RGS6: variants seen among roughly 807,000 people sequenced by gnomAD.
RGS6 encodes the protein regulator of G protein signaling 6.
Under a neutral mutation model 78.5 loss-of-function variants are expected in RGS6, and 30 were observed. That is an observed-to-expected ratio of 0.38 (90% CI 0.29 to 0.52). RGS6 has a LOEUF of 0.52. Among genes scored for constraint, RGS6 ranks in the 20% least tolerant of loss-of-function variants. The probability of loss-of-function intolerance (pLI) is 0.85; values close to 1 mark genes in which losing one functional copy is unlikely to be tolerated. For synonymous variants in RGS6, 206 were observed against 206.0 expected, an observed-to-expected ratio of 1.00 and a Z score of 0.00; for missense variants, 495 against 609.7, an observed-to-expected ratio of 0.81 and a Z score of 1.98.
At chr14:72,394,474 C>A (rs1421737396) in intron 3 of RGS6, among the ~76,000 whole-genome samples, 2 of 152,174 alleles carry the variant, frequency 1.3e-5, no homozygotes, top group African/African-American at 4.8e-5. Context: ...AAAAGACAGA[C>A]ATTCCTAGAG....
At chr14:72,028,908 A>T (rs1223371573) in intron 2 of RGS6, among the ~76,000 whole-genome samples, 1 of 152,242 alleles carries the variant, frequency 6.6e-6, no homozygotes, top group African/African-American at 2.4e-5. Flanking sequence ...CCTAATTGAA[A>T]TATGACATAA....
chr14:72,415,344 G>T (rs529565204), intron 3 of RGS6, among the ~76,000 whole-genome samples: 10 of 152,392 alleles, frequency 6.6e-5, no homozygotes, highest in African/African-American at 2.2e-4. Flanking sequence ...CAAGCCAGGT[G>T]CAGGATATAA....
At chr14:71,965,933 C>T (rs1329365321) in intron 2 of RGS6, among the ~76,000 whole-genome samples, 2 of 152,042 alleles carry the variant, frequency 1.3e-5, no homozygotes, top group East Asian at 1.9e-4. Flanking sequence ...TCAAAGATGA[C>T]GGGGTTTTTG....
At chr14:72,160,887 A>ACAACCACC (rs1303534089) in intron 2 of RGS6, among the ~76,000 whole-genome samples, 1 of 152,214 alleles carries the variant, frequency 6.6e-6, no homozygotes, top group Non-Finnish European at 1.5e-5. Context: ...CCAAACTAAT[A>ACAACCACC]CAACCACCTA....
intron 2 of RGS6, among the ~76,000 whole-genome samples, chr14:72,299,481 C>T (rs899381499): frequency 6.6e-6 from 1 of 152,196 alleles, no homozygotes; most frequent in Admixed American, 6.5e-5. Flanking sequence ...TTTTATTTCT[C>T]TTGGGAATAT....
At chr14:72,108,900 ATGT>A (rs1368217338) in intron 2 of RGS6, among the ~76,000 whole-genome samples, 11 of 151,820 alleles carry the variant, frequency 7.2e-5, no homozygotes, top group African/African-American at 9.7e-5. Context: ...ATCTGTGGAA[ATGT>A]TGTTTTATTC....
chr14:72,397,869 G>A (rs1229417780), intron 3 of RGS6, among the ~76,000 whole-genome samples: 1 of 152,144 alleles, frequency 6.6e-6, no homozygotes, highest in African/African-American at 2.4e-5. Context: ...ATTTTCGTAT[G>A]TTGAACCAGC....
At chr14:72,319,588 G>C (rs1042553459) in intron 2 of RGS6, among the ~76,000 whole-genome samples, 1 of 151,984 alleles carries the variant, frequency 6.6e-6, no homozygotes, top group South Asian at 2.1e-4. Flanking sequence ...TGATCTGCCT[G>C]CCTCAGCCTC....
At position 72,392,800 on chromosome 14, in the gene RGS6, C is replaced by A. The variant is rs554632456; in HGVS notation, c.184+40606C>A. ...GCCTTCCACACTTCTTCCTGCCAAT[C>A]CTCACCCTGGTCTCCAGGGTCAAGT... On this transcript the variant is annotated intron_variant, in intron 3 of 17. Transcript: ENST00000553525. Among the ~76,000 whole-genome samples, 17 of 152,286 alleles carry A rather than the reference C, an allele frequency of 1.1e-4. No individual in the cohort carries two copies. In the East Asian group the frequency reaches 3.3e-3, roughly 29 times the overall value.
chr14:72,032,112 G>C (rs1040490293), intron 2 of RGS6, among the ~76,000 whole-genome samples: 1 of 152,240 alleles, frequency 6.6e-6, no homozygotes, highest in Admixed American at 6.5e-5. Context: ...TTCATATAGA[G>C]ACCACACCTT....
intron 2 of RGS6, among the ~76,000 whole-genome samples, chr14:72,328,181 T>C (rs919904503): frequency 8.5e-5 from 13 of 152,176 alleles, no homozygotes; most frequent in African/African-American, 3.1e-4. Context: ...GGAAGATGCT[T>C]GCCCACACCA....
At chr14:72,530,016 T>G (rs1304903167) in intron 15 of RGS6, among the ~76,000 whole-genome samples, 1 of 152,262 alleles carries the variant, frequency 6.6e-6, no homozygotes, top group Non-Finnish European at 1.5e-5. Flanking sequence ...TGTTTAGACA[T>G]CTGCTTTATC....
chr14:71,994,141 GTTTGT>G (rs2095089637), intron 2 of RGS6, among the ~76,000 whole-genome samples: 1 of 152,128 alleles, frequency 6.6e-6, no homozygotes, highest in East Asian at 1.9e-4. Flanking sequence ...TCCAAACACA[GTTTGT>G]ACTTTCCTTT....
chr14:72,602,462 A>C, the RGS6 span, among the ~76,000 whole-genome samples: 1 of 152,232 alleles, frequency 6.6e-6, no homozygotes, highest in African/African-American at 2.4e-5. Flanking sequence ...CATGGAGGTT[A>C]TGTAGCATGG....
chr14:72,435,415 CTG>C (rs1252933496), intron 3 of RGS6, among the ~76,000 whole-genome samples: 1 of 152,194 alleles, frequency 6.6e-6, no homozygotes, highest in Non-Finnish European at 1.5e-5. Flanking sequence ...GAATTAAACA[CTG>C]TTTTACCAGC....
chr14:72,264,146 A>T (rs2058646945), intron 2 of RGS6, among the ~76,000 whole-genome samples: 1 of 152,200 alleles, frequency 6.6e-6, no homozygotes, highest in Non-Finnish European at 1.5e-5. Flanking sequence ...ATTACGAGAA[A>T]GGTTTGTTCT....
At chr14:72,013,837 C>G (rs1239159735) in intron 2 of RGS6, among the ~76,000 whole-genome samples, 1 of 152,114 alleles carries the variant, frequency 6.6e-6, no homozygotes, top group African/African-American at 2.4e-5. Context: ...ATTATAGATT[C>G]AGAAATAATG....
the RGS6 span, among the ~76,000 whole-genome samples, chr14:72,580,616 T>C: frequency 1.3e-5 from 2 of 152,158 alleles, no homozygotes; most frequent in Admixed American, 6.5e-5. Flanking sequence ...CCCAAGAATG[T>C]TTGAAGGTTA....
In RGS6 at chr14:72,250,536, A is replaced by G. The variant is rs149820700; in HGVS notation, c.85-101559A>G. ...CTGAGAAAGAAGGGGAAAATATTCA[A>G]TTGTCAAAATTAGCCTGTCTCATTT... On this transcript the variant is annotated intron_variant, in intron 2 of 17. Coordinates refer to ENST00000553525, the MANE Select transcript of RGS6 (RefSeq NM_001204424.2). Among the ~76,000 whole-genome samples, 539 of 152,278 alleles carry G rather than the reference A, an allele frequency of 3.5e-3. 3 individuals carry two copies. The highest frequency in any genetic ancestry group is 0.011 in the African/African-American group (474 of 41,552).
Sources: allele counts gnomAD v4.1 joint callset (sites outside exome capture counted in the v4.1 genomes callset), GRCh38; gene constraint gnomAD v4.1.1; transcripts MANE v1.5; gene names NCBI Gene and HGNC (gene_info 2026-07-23, HGNC 2026-07-21).